Variants in ARL15 observed in about 807,000 individuals in gnomAD.
The protein encoded by ARL15 is ARF like GTPase 15.
Under a neutral mutation model 25.2 loss-of-function variants are expected in ARL15, and 19 were observed. That is an observed-to-expected ratio of 0.75 (90% confidence interval 0.53 to 1.10). The LOEUF (loss-of-function observed/expected upper bound fraction) is 1.10. Among genes scored for constraint, ARL15 ranks in the 50% least tolerant of loss-of-function variants. ARL15 has a pLI of 0.00. For missense variants in ARL15, 220 were observed against 246.0 expected (o/e 0.89, Z 0.71); for synonymous variants, 94 against 86.8 (o/e 1.08, Z -0.46).
At chr5:54,117,080 T>C (rs1241243002) in intron 3 of ARL15, among the ~76,000 whole-genome samples, 1 of 152,196 alleles carries the variant, frequency 6.6e-6, no homozygotes, top group Non-Finnish European at 1.5e-5. Context: ...AAGAGATATT[T>C]AGAAAGCCAT....
chr5:53,929,858 T>C (rs1454935081), intron 4 of ARL15, among the ~76,000 whole-genome samples: 2 of 152,114 alleles, frequency 1.3e-5, no homozygotes, highest in African/African-American at 2.4e-5. Flanking sequence ...GACTCTTCTA[T>C]TGCAGAAAAG....
Position 54,271,837 on chromosome 5 carries a change from C to A in ARL15, c.48+38595G>T, listed in dbSNP as rs946133286. Among the ~76,000 whole-genome samples the A allele has an allele frequency of 1.9e-4, 29 of 152,174 alleles. 1 individual carries two copies. Among genetic ancestry groups the A allele is most frequent in the African/African-American group, 7.0e-4 (29 of 41,508 alleles). On this transcript the variant is annotated intron_variant, in intron 1 of 4. Coordinates refer to ENST00000504924, the MANE Select transcript of ARL15 (RefSeq NM_019087.3). ...AGTTTATGTTCTACAAAGCAAAGACCAAATCATCACCAGGGTCAAGCAGAT... is the reference window on the plus strand; with the variant it reads ...AGTTTATGTTCTACAAAGCAAAGACAAAATCATCACCAGGGTCAAGCAGAT...
intron 4 of ARL15, among the ~76,000 whole-genome samples, chr5:53,934,851 T>C (rs565602215): frequency 1.1e-4 from 17 of 152,272 alleles, no homozygotes; most frequent in African/African-American, 3.4e-4. Flanking sequence ...TTTAGGAAGG[T>C]TGACTGCCTC....
intron 1 of ARL15, among the ~76,000 whole-genome samples, chr5:54,247,578 G>GAA (rs1554050253): frequency 2.6e-5 from 3 of 113,462 alleles, no homozygotes; most frequent in African/African-American, 3.4e-5. Context: ...GAAAGGAAGA[G>GAA]AAAAAAAAAA....
chr5:53,925,755 C>T (rs1392080805), intron 4 of ARL15, among the ~76,000 whole-genome samples: 2 of 152,076 alleles, frequency 1.3e-5, no homozygotes, highest in Non-Finnish European at 2.9e-5. Flanking sequence ...TTGCAGTGAG[C>T]ACCGATCACA....
chr5:53,939,260 T>C (rs1289952535), intron 4 of ARL15, among the ~76,000 whole-genome samples: 1 of 152,240 alleles, frequency 6.6e-6, no homozygotes, highest in Non-Finnish European at 1.5e-5. Context: ...ATAATTTTTC[T>C]TATGAAAGTG....
intron 1 of ARL15, among the ~76,000 whole-genome samples, chr5:54,281,829 T>C (rs1758068899): frequency 6.6e-6 from 1 of 152,238 alleles, no homozygotes; most frequent in Admixed American, 6.5e-5. Context: ...ACTTGTTTCT[T>C]ACATTCAACA....
intron 1 of ARL15, among the ~76,000 whole-genome samples, chr5:54,284,222 G>A (rs1483610262): frequency 1.3e-5 from 2 of 152,128 alleles, no homozygotes; most frequent in East Asian, 1.9e-4. Context: ...TCCCACCTGA[G>A]CCTCCCAAGT....
chr5:54,215,395 A>G (rs1211162836), intron 1 of ARL15, among the ~76,000 whole-genome samples: 1 of 152,162 alleles, frequency 6.6e-6, no homozygotes, highest in Admixed American at 6.6e-5. Flanking sequence ...CAGTCTAGAC[A>G]GTCTATTGAG....
intron 4 of ARL15, among the ~76,000 whole-genome samples, chr5:54,019,171 T>A (rs995271655): frequency 9.2e-5 from 14 of 152,166 alleles, no homozygotes; most frequent in African/African-American, 3.4e-4. Flanking sequence ...CAGGTTTTTT[T>A]TTTTTCTTTT....
chr5:53,954,919 G>A (rs138993898), intron 4 of ARL15, among the ~76,000 whole-genome samples: 1 of 152,008 alleles, frequency 6.6e-6, no homozygotes, highest in East Asian at 1.9e-4. Flanking sequence ...GGTAACATAT[G>A]TGCCATACTC....
intron 1 of ARL15, among the ~76,000 whole-genome samples, chr5:54,260,469 G>C (rs1210693254): frequency 1.3e-5 from 2 of 152,050 alleles, no homozygotes; most frequent in Admixed American, 1.3e-4. Context: ...TGGTACCTCA[G>C]GAACTAATTC....
intron 4 of ARL15, among the ~76,000 whole-genome samples, chr5:53,895,878 A>T (rs72763127): frequency 0.086 from 13,059 of 152,116 alleles, 692 homozygotes; most frequent in Non-Finnish European, 0.13. Flanking sequence ...GAATCTTAGA[A>T]TTTTTTTCCA....
chr5:54,265,236 A>G (rs370060656), intron 1 of ARL15, among the ~76,000 whole-genome samples: 3 of 152,162 alleles, frequency 2.0e-5, no homozygotes, highest in African/African-American at 7.2e-5. Flanking sequence ...TGTTCTTAGT[A>G]CAATTGTTAT....
At chr5:54,213,833 A>G (rs1045433780) in intron 1 of ARL15, among the ~76,000 whole-genome samples, 2 of 152,200 alleles carry the variant, frequency 1.3e-5, no homozygotes, top group Non-Finnish European at 2.9e-5. Context: ...CCATTAACCC[A>G]ATATTCAAAG....
At chr5:54,125,070 G>GTTTTTTTTTTTTTTT (rs1753203668) in intron 3 of ARL15, among the ~76,000 whole-genome samples, 15 of 135,984 alleles carry the variant, frequency 1.1e-4, no homozygotes, top group African/African-American at 4.0e-4. Flanking sequence ...CAAGTTTTTT[G>GTTTTTTTTTTTTTTT]TTTTGTTTTG....
chr5:54,036,563 G>C (rs982866757), intron 4 of ARL15, among the ~76,000 whole-genome samples: 11 of 151,682 alleles, frequency 7.3e-5, no homozygotes, highest in Non-Finnish European at 1.3e-4. Flanking sequence ...TCCATACTTT[G>C]TTCCTGTGAA....
At chr5:54,046,815 C>A (rs954537503) in intron 4 of ARL15, among the ~76,000 whole-genome samples, 5 of 152,278 alleles carry the variant, frequency 3.3e-5, no homozygotes, top group African/African-American at 1.2e-4. Context: ...TTACTGGGGA[C>A]AGCAAGTAAG....
At chr5:54,262,323 A>G (rs1757515024) in intron 1 of ARL15, among the ~76,000 whole-genome samples, 1 of 152,194 alleles carries the variant, frequency 6.6e-6, no homozygotes. Flanking sequence ...TTCAAACTCA[A>G]TGTTTTTCAG....
Sources: allele counts gnomAD v4.1 joint callset (sites outside exome capture counted in the v4.1 genomes callset), GRCh38; gene constraint gnomAD v4.1.1; transcripts MANE v1.5; gene names NCBI Gene and HGNC (gene_info 2026-07-23, HGNC 2026-07-21).